The following MYO1D variants were observed in gnomAD, a reference collection of about 807,000 sequenced individuals.
MYO1D encodes myosin ID.
A neutral mutation model predicts 122.0 loss-of-function variants in MYO1D; 83 were observed. The observed-to-expected ratio is 0.68, with a 90% CI of 0.57 to 0.82. The LOEUF is 0.82. Among genes scored for constraint, MYO1D ranks in the 40% least tolerant of loss-of-function variants. The pLI is 0.00. For synonymous variants in MYO1D, 464 were observed against 446.9 expected (o/e 1.04, Z -0.48); for missense variants, 1,157 against 1,269.5 (o/e 0.91, Z 1.35).
intron 10 of MYO1D, among the ~76,000 whole-genome samples, chr17:32,758,051 G>C (rs2089966234): frequency 6.6e-6 from 1 of 152,084 alleles, no homozygotes; most frequent in African/African-American, 2.4e-5. Flanking sequence ...TTCACACACA[G>C]TCTATGAAAT....
chr17:32,847,449 G>A (rs1009947534), intron 1 of MYO1D, among the ~76,000 whole-genome samples: 3 of 152,162 alleles, frequency 2.0e-5, no homozygotes, highest in Admixed American at 6.5e-5. Flanking sequence ...ACAAACTGCA[G>A]GACATATCTT....
intron 21 of MYO1D, among the ~76,000 whole-genome samples, chr17:32,574,137 C>T (rs761359992): frequency 1.3e-5 from 2 of 152,170 alleles, no homozygotes; most frequent in African/African-American, 2.4e-5. Context: ...CAGGTGTGAG[C>T]CACTGCGCCC....
chr17:32,803,943 T>TA (rs1366095845), intron 1 of MYO1D, among the ~76,000 whole-genome samples: 5 of 152,186 alleles, frequency 3.3e-5, no homozygotes, highest in Admixed American at 6.5e-5. Context: ...TAAATTGTTT[T>TA]AAAAAAGAAG....
rs1454897904 is a variant in MYO1D, at chr17:32,576,301, T to C, written c.2864+28786A>G. 4.6e-5 allele frequency among the ~76,000 whole-genome samples: 7 copies of C among 152,214 alleles called. No individual in the cohort carries two copies. The South Asian group carries it at 1.4e-3, about 32-fold the overall frequency. On this transcript the variant is annotated intron_variant, in intron 21 of 21. Transcript: ENST00000318217. ...TTAAAGGAACCTGGGTCTCCTGACC[T>C]TATTTCTCTATCTAAGAAGCAACAA...
At chr17:32,564,110 T>C (rs150179991) in intron 21 of MYO1D, among the ~76,000 whole-genome samples, 3 of 152,356 alleles carry the variant, frequency 2.0e-5, no homozygotes, top group African/African-American at 7.2e-5. Flanking sequence ...TGCTTTGCAA[T>C]AGTGGCTTCC....
At chr17:32,682,693 A>T (rs1430932318) in intron 16 of MYO1D, among the ~76,000 whole-genome samples, 1 of 93,930 alleles carries the variant, frequency 1.1e-5, no homozygotes, top group Non-Finnish European at 2.1e-5. Context: ...CATTTTTTTC[A>T]TTTCAACTTT....
chr17:32,821,847 T>C (rs937084554), intron 1 of MYO1D, among the ~76,000 whole-genome samples: 5 of 152,122 alleles, frequency 3.3e-5, no homozygotes, highest in African/African-American at 1.2e-4. Flanking sequence ...CAGGCAGCAT[T>C]TTAAAATTAG....
At chr17:32,582,559 A>G (rs1301039232) in intron 21 of MYO1D, among the ~76,000 whole-genome samples, 3 of 152,182 alleles carry the variant, frequency 2.0e-5, no homozygotes, top group Non-Finnish European at 4.4e-5. Context: ...TAACTGTGAC[A>G]TGACCCAGAA....
chr17:32,847,699 G>A (rs191105386), intron 1 of MYO1D, among the ~76,000 whole-genome samples: 5 of 152,182 alleles, frequency 3.3e-5, no homozygotes, highest in Admixed American at 1.3e-4. Context: ...ATTTTTAGTA[G>A]AGACAGGGTT....
At chr17:32,721,480 G>T (rs2089510189) in intron 14 of MYO1D, among the ~76,000 whole-genome samples, 1 of 152,196 alleles carries the variant, frequency 6.6e-6, no homozygotes. Flanking sequence ...TCGAGTTTCT[G>T]TGTATTTATG....
chr17:32,852,586 T>C (rs2151082526), intron 1 of MYO1D, among the ~76,000 whole-genome samples: 1 of 152,310 alleles, frequency 6.6e-6, no homozygotes, highest in South Asian at 2.1e-4. Context: ...CTTGAATTAA[T>C]GGTAAATAGG....
At chr17:32,842,443 T>A (rs1003942978) in intron 1 of MYO1D, among the ~76,000 whole-genome samples, 10 of 152,166 alleles carry the variant, frequency 6.6e-5, no homozygotes, top group Non-Finnish European at 1.5e-4. Context: ...TTCTGATATT[T>A]TTCTTGATTA....
intron 21 of MYO1D, among the ~76,000 whole-genome samples, chr17:32,528,334 A>C (rs1910408281): frequency 6.6e-6 from 1 of 151,996 alleles, no homozygotes; most frequent in African/African-American, 2.4e-5. Context: ...CAGGTGGGAG[A>C]GGGTGAGATG....
At chr17:32,648,368 T>C (rs2088329769) in intron 19 of MYO1D, among the ~76,000 whole-genome samples, 1 of 152,240 alleles carries the variant, frequency 6.6e-6, no homozygotes, top group Non-Finnish European at 1.5e-5. Flanking sequence ...CCCAAAACTC[T>C]TGTGATTTTA....
intron 1 of MYO1D, among the ~76,000 whole-genome samples, chr17:32,789,686 G>C (rs1051798078): frequency 6.6e-6 from 1 of 152,116 alleles, no homozygotes; most frequent in Non-Finnish European, 1.5e-5. Flanking sequence ...CAATAAAAGA[G>C]AAAAATGCCC....
At chr17:32,697,219 A>G (rs2089184536) in intron 16 of MYO1D, among the ~76,000 whole-genome samples, 1 of 152,162 alleles carries the variant, frequency 6.6e-6, no homozygotes, top group Non-Finnish European at 1.5e-5. Context: ...TCATGTTTCC[A>G]TTCAGTAATG....
intron 1 of MYO1D, among the ~76,000 whole-genome samples, chr17:32,796,855 TTTCACTCCATGGGACGGGTCTC>T (rs2090421258): frequency 6.6e-6 from 1 of 152,200 alleles, no homozygotes; most frequent in Non-Finnish European, 1.5e-5. Flanking sequence ...TACTGAGGTA[TTTCACTCCATGGGACGGGTCTC>T]TGGACGACAG....
intron 21 of MYO1D, among the ~76,000 whole-genome samples, chr17:32,560,556 T>TATATATATATATATATATACAC (rs2087113233): frequency 3.5e-5 from 4 of 114,128 alleles, no homozygotes; most frequent in Non-Finnish European, 7.7e-5. Flanking sequence ...TATATATATA[T>TATATATATATATATATATACAC]ATATATATAT....
chr17:32,659,433 C>T, intron 16 of MYO1D, 95 bp from the exon 17 acceptor site: 1 of 1,282,562 alleles, frequency 7.8e-7, no homozygotes, highest in Non-Finnish European at 1.1e-6. Flanking sequence ...ACAAACTCAA[C>T]CAGGCAACTT....
Sources: allele counts gnomAD v4.1 joint callset (sites outside exome capture counted in the v4.1 genomes callset), GRCh38; gene constraint gnomAD v4.1.1; transcripts MANE v1.5; gene names NCBI Gene and HGNC (gene_info 2026-07-23, HGNC 2026-07-21).